The following IFIH1 variants were observed in gnomAD, a reference collection of about 807,000 sequenced individuals.
IFIH1 encodes the protein interferon induced with helicase C domain 1, also known as interferon-induced helicase C domain-containing protein 1.
Under a neutral mutation model 107.4 loss-of-function variants are expected in IFIH1, and 125 were observed. The ratio of observed to expected loss-of-function variants is 1.16; its 90% CI spans 1.01 to 1.35. The LOEUF is 1.35. Ranked by LOEUF, IFIH1 falls within the 40% of genes most tolerant of loss-of-function variation. The pLI, the probability that IFIH1 is intolerant of heterozygous loss-of-function variation, is 0.00. For missense variants in IFIH1, 1,333 were observed against 1,213.7 expected, an observed-to-expected ratio of 1.10 and a Z score of -1.46; for synonymous variants, 458 against 413.2, an observed-to-expected ratio of 1.11 and a Z score of -1.31.
At chr2:162,286,051 T>G (rs1462094265) in intron 5 of IFIH1, among the ~76,000 whole-genome samples, 1 of 152,076 alleles carries the variant, frequency 6.6e-6, no homozygotes, top group South Asian at 2.1e-4. Flanking sequence ...TATGATCTTA[T>G]CTGTAGTATT....
chr2:162,274,297 T>A (rs1691107028), intron 11 of IFIH1, among the ~76,000 whole-genome samples: 1 of 152,152 alleles, frequency 6.6e-6, no homozygotes, highest in South Asian at 2.1e-4. Context: ...AATGGGCTTT[T>A]TTCCCCCACT....
rs764896652 is a variant in IFIH1 at position 162,273,936 on chromosome 2, T to C, written c.2313A>G (p.Gln771=). Reference sequence around the variant, plus strand: ...TGCGAAATTTACTAATGACTTCTTTTTGTTCATTCTGTAGAAACATTTTAA... The same window carrying C: ...TGCGAAATTTACTAATGACTTCTTTCTGTTCATTCTGTAGAAACATTTTAA... ...SEFKPMTQNE[Q]KEVISKFRTG... is the part of the protein sequence containing the mutation. The change falls in exon 12 of 16, where the codon CAA becomes CAG. Residue 771 remains glutamine, a synonymous_variant. Coordinates refer to ENST00000649979, the MANE Select transcript of IFIH1 (RefSeq NM_022168.4). The C allele has an allele frequency of 3.1e-6, 5 of 1,595,424 alleles. 1 individual carries two copies. In the South Asian group the frequency reaches 5.6e-5, roughly 18 times the overall value.
chr2:162,298,163 T>A (rs550577837), intron 3 of IFIH1, among the ~76,000 whole-genome samples: 1 of 152,168 alleles, frequency 6.6e-6, no homozygotes, highest in South Asian at 2.1e-4. Flanking sequence ...AGTGGACAAG[T>A]AGGCATTCTT....
chr2:162,275,972 AAT>A (rs1691145605), intron 11 of IFIH1, among the ~76,000 whole-genome samples: 1 of 152,148 alleles, frequency 6.6e-6, no homozygotes, highest in East Asian at 1.9e-4. Context: ...ATTCTATGTA[AAT>A]ATATTTTGCA....
At chr2:162,271,390 AG>A (rs1440513958) in intron 13 of IFIH1, among the ~76,000 whole-genome samples, 1 of 147,508 alleles carries the variant, frequency 6.8e-6, no homozygotes, top group African/African-American at 2.5e-5. Flanking sequence ...TCTCACTCAT[AG>A]GTGGAAATTG....
chr2:162,285,385 G>C (rs1476911628), intron 5 of IFIH1, among the ~76,000 whole-genome samples: 1 of 151,922 alleles, frequency 6.6e-6, no homozygotes, highest in Non-Finnish European at 1.5e-5. Flanking sequence ...TCTAGATCAA[G>C]GGTAACAATA....
intron 11 of IFIH1, among the ~76,000 whole-genome samples, chr2:162,275,623 A>G (rs1383958137): frequency 1.3e-5 from 2 of 152,188 alleles, no homozygotes; most frequent in African/African-American, 2.4e-5. Context: ...TTTTTCCAGC[A>G]AACACTGAAA....
rs200251981 is a variant in IFIH1, at chr2:162,276,793, G to A, written c.2198C>T (p.Ala733Val). Residue 733 changes from alanine to valine, a missense_variant, in exon 11 of 16, where the codon GCG becomes GTG. Transcript: ENST00000649979. ...IFTKTRQSAY[A>V]LSQWITENEK... ...ATTTTCAGTAATCCACTGGGAAAGC[G>A]CATATGCACTCTGTCGTGTTTTTGT... 196 of 1,613,960 alleles carry A rather than the reference G, an allele frequency of 1.2e-4. No individual in the cohort carries two copies. The highest frequency in any genetic ancestry group is 8.0e-4 in the East Asian group (36 of 44,872).
At chr2:162,311,219 C>G (rs1332258681) in intron 1 of IFIH1, among the ~76,000 whole-genome samples, 4 of 151,924 alleles carry the variant, frequency 2.6e-5, no homozygotes, top group Non-Finnish European at 5.9e-5. Context: ...AACCTGACAC[C>G]TAGAAAATAA....
chr2:162,270,032 G>A (rs1691004759), intron 13 of IFIH1, among the ~76,000 whole-genome samples: 1 of 152,050 alleles, frequency 6.6e-6, no homozygotes, highest in Non-Finnish European at 1.5e-5. Flanking sequence ...GTGTATGAAT[G>A]AGTCAGAAAA....
At chr2:162,298,060 A>T (rs1033291415) in intron 3 of IFIH1, among the ~76,000 whole-genome samples, 1 of 152,158 alleles carries the variant, frequency 6.6e-6, no homozygotes, top group African/African-American at 2.4e-5. Context: ...CAAACCAAAA[A>T]AAATAAATAA....
intron 3 of IFIH1, among the ~76,000 whole-genome samples, chr2:162,297,884 GA>G (rs1014823704): frequency 6.0e-5 from 9 of 149,782 alleles, no homozygotes; most frequent in East Asian, 5.9e-4. Flanking sequence ...AAAAGCCATG[GA>G]AAAAAAAAGC....
intron 13 of IFIH1, among the ~76,000 whole-genome samples, chr2:162,269,419 A>G (rs1690991324): frequency 6.6e-6 from 1 of 152,202 alleles, no homozygotes; most frequent in Non-Finnish European, 1.5e-5. Flanking sequence ...TCATAACTTC[A>G]TGGAGCCAAT....
intron 13 of IFIH1, among the ~76,000 whole-genome samples, chr2:162,269,734 T>C (rs370480965): frequency 1.3e-5 from 2 of 152,212 alleles, no homozygotes; most frequent in Non-Finnish European, 2.9e-5. Context: ...ATCAGTGCAG[T>C]TGAACAAAGC....
chr2:162,316,592 C>A (rs1282402486), intron 1 of IFIH1, among the ~76,000 whole-genome samples: 2 of 151,840 alleles, frequency 1.3e-5, no homozygotes, highest in Non-Finnish European at 2.9e-5. Context: ...TAGGCTATAG[C>A]AAATCAATCA....
intron 1 of IFIH1, among the ~76,000 whole-genome samples, chr2:162,315,409 T>A (rs1683471075): frequency 6.6e-6 from 1 of 152,160 alleles, no homozygotes; most frequent in African/African-American, 2.4e-5. Flanking sequence ...TCTAGGGACT[T>A]TAAGAAGTAT....
At chr2:162,314,796 A>T (rs978084119) in intron 1 of IFIH1, among the ~76,000 whole-genome samples, 8 of 152,146 alleles carry the variant, frequency 5.3e-5, no homozygotes, top group Admixed American at 2.6e-4. Flanking sequence ...CCTACAGTAG[A>T]CATTCTTTTA....
chr2:162,280,068 T>C lies in IFIH1; in HGVS notation c.1569A>G (p.Glu523=), dbSNP rs780503744. 1 of 1,610,546 alleles carries C rather than the reference T, an allele frequency of 6.2e-7. No individual in the cohort carries two copies. The highest frequency in any genetic ancestry group is 1.7e-5 in the Admixed American group (1 of 59,806). ...LDAFTIKTVK[E]NLDQLKNQIQ... Reference sequence around the variant, plus strand: ...TTTGGTTTTTCAGTTGATCAAGGTTTTCTTTAACAGTTTTAATAGTAAATG... The same window carrying C: ...TTTGGTTTTTCAGTTGATCAAGGTTCTCTTTAACAGTTTTAATAGTAAATG... Residue 523 remains glutamate (E), a synonymous_variant, in exon 8 of 16, where the codon GAA becomes GAG. Coordinates refer to ENST00000649979, the MANE Select transcript of IFIH1 (RefSeq NM_022168.4).
At chr2:162,304,698 C>G (rs575513402) in intron 3 of IFIH1, among the ~76,000 whole-genome samples, 1 of 152,088 alleles carries the variant, frequency 6.6e-6, no homozygotes. Context: ...TTGTGAAATT[C>G]TTTTTCAGCA....
Sources: allele counts gnomAD v4.1 joint callset (sites outside exome capture counted in the v4.1 genomes callset), GRCh38; gene constraint gnomAD v4.1.1; transcripts MANE v1.5; gene names NCBI Gene and HGNC (gene_info 2026-07-23, HGNC 2026-07-21).